PZP: variants seen among roughly 807,000 people sequenced by gnomAD.
PZP encodes the protein PZP alpha-2-macroglobulin like.
A neutral mutation model predicts 179.8 loss-of-function variants in PZP; 150 were observed. The ratio of observed to expected loss-of-function variants is 0.83; its 90% confidence interval spans 0.73 to 0.96. The LOEUF is 0.96. Ranked by LOEUF, PZP falls within the 40% of genes least tolerant of loss-of-function variation. The probability of loss-of-function intolerance (pLI) is 0.00; values close to 1 mark genes in which losing one functional copy is unlikely to be tolerated. For synonymous variants in PZP, 624 were observed against 652.3 expected (o/e 0.96, Z 0.66); for missense variants, 1,689 against 1,764.0 (o/e 0.96, Z 0.76).
At chr12:9,138,129 G>A in the PZP span, among the ~76,000 whole-genome samples, 48 of 151,976 alleles carry the variant, frequency 3.2e-4, no homozygotes, top group South Asian at 6.2e-4. Flanking sequence ...ACTTTTCACC[G>A]TTGAGTCTGA....
At chr12:9,147,759 T>C (rs1940086053), downstream of PZP, among the ~76,000 whole-genome samples, 1 of 152,206 alleles carries the variant, frequency 6.6e-6, no homozygotes, top group African/African-American at 2.4e-5. Flanking sequence ...CATTCTTCTA[T>C]GACTCCTTGA....
chr12:9,155,112 G>A (rs1303026289), intron 28 of PZP, among the ~76,000 whole-genome samples: 1 of 152,210 alleles, frequency 6.6e-6, no homozygotes, highest in Non-Finnish European at 1.5e-5. Flanking sequence ...ACTGATGAAA[G>A]AGAAAAGTGG....
Position 9,154,740 on chromosome 12 carries a change from T to C in PZP, c.3650A>G (p.Tyr1217Cys), listed in dbSNP as rs1940620410. ...GGCCGTGAGATAAGCGAGGAGCACA[T>C]AGGATGTCATCTCCACCTCAGCAGA... The part of the protein sequence containing the change: ...APSAEVEMTS[Y>C]VLLAYLTAQP... Residue 1217 changes from tyrosine to cysteine, a missense_variant, in exon 29 of 36, where the codon TAT becomes TGT. Transcript: ENST00000261336. The C allele has an allele frequency of 6.2e-7, 1 of 1,613,982 alleles. No homozygotes were observed. Among genetic ancestry groups the C allele is most frequent in the Non-Finnish European group, 8.5e-7 (1 of 1,180,004 alleles).
chr12:9,193,309 C>A (rs1267419477), intron 11 of PZP, among the ~76,000 whole-genome samples: 2 of 152,064 alleles, frequency 1.3e-5, no homozygotes, highest in African/African-American at 4.8e-5. Flanking sequence ...CTTCAAAGTG[C>A]ACTTATTTTT....
At chr12:9,199,198 T>C (rs1057141709) in intron 7 of PZP, among the ~76,000 whole-genome samples, 3 of 152,218 alleles carry the variant, frequency 2.0e-5, no homozygotes, top group Non-Finnish European at 4.4e-5. Flanking sequence ...TTCATAATCA[T>C]GACATCAGTC....
rs12230214 is a variant in PZP at position 9,194,196 on chromosome 12, G to C, written c.1135C>G (p.Leu379Val). Residue 379 changes from leucine (L) to valine (V), a missense_variant, in exon 11 of 36, where the codon CTC becomes GTC. This residue lies in a region of PZP where 742 missense variants were observed against 730.5 expected (regional missense o/e 1.02). Coordinates refer to ENST00000261336, the MANE Select transcript of PZP (RefSeq NM_002864.3). ...GCGTCATTCACAGAGATGAAGAAGA[G>C]TTTATTGGGGATGGGCACACCTTTT... ...DGKGVPIPNK[L>V]FFISVNDANY... The C allele has an allele frequency of 0.27, 431,804 of 1,613,096 alleles. 59,396 individuals are homozygous for C. The highest frequency in any genetic ancestry group is 0.37 in the East Asian group (16,509 of 44,838).
At chr12:9,192,313 C>G in intron 12 of PZP, 57 bp from the exon 13 acceptor site, 2 of 1,526,060 alleles carry the variant, frequency 1.3e-6, no homozygotes, top group African/African-American at 2.7e-5. Context: ...TCTCAGCCTT[C>G]TATTCCCCAC....
At chr12:9,194,735 A>G (rs1395467292) in intron 10 of PZP, among the ~76,000 whole-genome samples, 3 of 152,094 alleles carry the variant, frequency 2.0e-5, no homozygotes, top group Non-Finnish European at 4.4e-5. Context: ...AAGTGCTGGG[A>G]TTACAGGCGT....
At chr12:9,151,815 A>G (rs1220819301) in intron 32 of PZP, 143 bp from the exon 33 acceptor site, 3 of 609,312 alleles carry the variant, frequency 4.9e-6, no homozygotes, top group East Asian at 2.8e-5. Context: ...GAGTTCCACA[A>G]TTCTTCAATA....
rs1455015166 is a variant in PZP at position 9,195,824 on chromosome 12, T to C, written c.1092+506A>G. Among the ~76,000 whole-genome samples the C allele has an allele frequency of 1.1e-4, 16 of 151,154 alleles. No individual in the cohort carries two copies. The East Asian group carries it at 2.9e-3, about 27-fold the overall frequency. ...AATATGAATAAAATTAATATTTTAT[T>C]GGCTTTATTATTGTTAAAATATATA... is the stretch of plus-strand genomic sequence containing the variant. On this transcript the variant is annotated intron_variant, in intron 10 of 35. Transcript: ENST00000261336.
rs369524650 is a variant in PZP, at chr12:9,157,286, C to A, written c.3439G>T (p.Gly1147Trp). ...AWNVAKEGTH[G>W]SHVYTKALLA... The stretch of plus-strand genomic sequence containing the variant: ...AATGCCTTGGTGTAGACATGGCTCC[C>A]ATGGGTCCCCTCCTTTGCTACATTC... The change falls in exon 28 of 36, where the codon GGG (glycine) becomes TGG (tryptophan). Residue 1147 changes from glycine (G) to tryptophan (W), a missense_variant. Transcript: ENST00000261336. The A allele has an allele frequency of 2.0e-5, 33 of 1,613,902 alleles. No individual in the cohort carries two copies. Among genetic ancestry groups the A allele is most frequent in the Non-Finnish European group, 2.5e-5 (29 of 1,179,928 alleles).
intron 31 of PZP, 69 bp downstream of exon 31, chr12:9,152,755 A>C: frequency 6.7e-7 from 1 of 1,493,646 alleles, no homozygotes; most frequent in Non-Finnish European, 9.1e-7. Flanking sequence ...TTCCAAATGG[A>C]CTATTAATTT....
chr12:9,164,533 A>T (rs1394667573), intron 19 of PZP, among the ~76,000 whole-genome samples: 1 of 152,216 alleles, frequency 6.6e-6, no homozygotes, highest in Admixed American at 6.5e-5. Flanking sequence ...CAGTGATTGT[A>T]TATTGCCCTA....
At chr12:9,149,460 T>C in intron 35 of PZP, 101 bp downstream of exon 35, 1 of 1,205,272 alleles carries the variant, frequency 8.3e-7, no homozygotes, top group Non-Finnish European at 1.2e-6. Flanking sequence ...ATGTGGATTG[T>C]CTCAGATGTA....
At chr12:9,165,940 G>C (rs1319302926) in intron 18 of PZP, 112 bp downstream of exon 18, 6 of 1,292,178 alleles carry the variant, frequency 4.6e-6, no homozygotes, top group Non-Finnish European at 6.4e-6. Context: ...TAAAGAGGAA[G>C]AGGTTAAGAT....
intron 13 of PZP, among the ~76,000 whole-genome samples, chr12:9,190,507 G>T (rs1251828615): frequency 6.6e-6 from 1 of 151,968 alleles, no homozygotes; most frequent in Non-Finnish European, 1.5e-5. Context: ...GGTGGAGGGC[G>T]GGAGGAGGGA....
intron 11 of PZP, 73 bp from the exon 12 acceptor site, chr12:9,192,812 A>G (rs2075395): frequency 0.56 from 569,558 of 1,021,928 alleles, 160,469 homozygotes; most frequent in Admixed American, 0.65. Flanking sequence ...CAAAATGAAT[A>G]GTTACAACGG....
chr12:9,195,611 A>ATTTTTTTTTT (rs11398106), intron 10 of PZP, among the ~76,000 whole-genome samples: 3 of 104,248 alleles, frequency 2.9e-5, no homozygotes, highest in Non-Finnish European at 3.8e-5. Context: ...CCCACTGCTA[A>ATTTTTTTTTT]TTTTTTTTTT....
Position 9,192,675 on chromosome 12 carries a change from G to A in PZP, c.1319C>T (p.Ala440Val), listed in dbSNP as rs779188363. Reference sequence around the variant, plus strand: ...GAAAACACGATTTGCAGTGTGCTGAGCACCCTGGTGGTCTTCTGCTACCCA... The same window carrying A: ...GAAAACACGATTTGCAGTGTGCTGAACACCCTGGTGGTCTTCTGCTACCCA... ...YSWVAEDHQGAQHTANRVFSL... is the reference protein window; with the variant it reads ...YSWVAEDHQGVQHTANRVFSL... The change falls in exon 12 of 36, where the codon GCT (alanine) becomes GTT (valine). Residue 440 changes from alanine (A) to valine (V), a missense_variant. This residue lies in a region of PZP where 742 missense variants were observed against 730.5 expected (regional missense o/e 1.02). Transcript: ENST00000261336. The A allele has an allele frequency of 3.7e-6, 6 of 1,613,954 alleles. No individual in the cohort carries two copies. The highest frequency in any genetic ancestry group is 1.6e-4 in the Middle Eastern group (1 of 6,084).
Sources: gnomAD v4.1 joint callset for allele counts (sites outside exome capture counted in the v4.1 genomes callset) on GRCh38, gnomAD v4.1.1 for gene constraint, gnomAD v4.1.1 regional missense constraint, MANE v1.5 for transcripts, NCBI Gene and HGNC (gene_info 2026-07-23, HGNC 2026-07-21) for gene names.